Variants in LAMB2 observed in about 807,000 individuals in gnomAD.
LAMB2 encodes the protein laminin subunit beta-2.
In LAMB2, 119 loss-of-function variants were observed where a neutral mutation model predicts 202.7. The observed-to-expected ratio is 0.59, with a 90% CI of 0.51 to 0.68. The LOEUF is 0.68. Ranked by LOEUF, LAMB2 falls within the 30% of genes least tolerant of loss-of-function variation. The probability of loss-of-function intolerance (pLI) is 0.00; values close to 1 mark genes in which losing one functional copy is unlikely to be tolerated. For missense variants in LAMB2, 2,124 were observed against 2,410.6 expected (o/e 0.88, Z 2.49); for synonymous variants, 818 against 902.2 (o/e 0.91, Z 1.67).
chr3:49,127,750 G>C lies in LAMB2; in HGVS notation c.2018+708C>G, dbSNP rs530600312. On this transcript the variant is annotated intron_variant, in intron 15 of 31. Transcript: ENST00000305544. Reference sequence around the variant, plus strand: ...AAACAATGAAACAGGGCTGGGCACGGTGGCTCACACCTGTAATCCCAACAC... The same window carrying C: ...AAACAATGAAACAGGGCTGGGCACGCTGGCTCACACCTGTAATCCCAACAC... 3.2e-3 allele frequency among the ~76,000 whole-genome samples: 487 copies of C among 151,362 alleles called. 2 individuals are homozygous for C. Among genetic ancestry groups the C allele is most frequent in the Non-Finnish European group, 3.0e-3 (205 of 67,866 alleles).
intron 25 of LAMB2, 21 bp downstream of exon 25, chr3:49,123,425 GC>G (rs1443471363): frequency 3.1e-6 from 5 of 1,614,108 alleles, no homozygotes; most frequent in Admixed American, 3.3e-5. Flanking sequence ...TGGTCCACCT[GC>G]CTAGTTGGCT....
Position 49,130,879 on chromosome 3 carries a change from A to G in LAMB2, c.916-19T>C, listed in dbSNP as rs549734219. The G allele has an allele frequency of 6.2e-7, 1 of 1,614,148 alleles. No homozygotes were observed. The highest frequency in any genetic ancestry group is 1.3e-5 in the African/African-American group (1 of 75,046). On this transcript the variant is annotated intron_variant, in intron 7 of 31. Transcript: ENST00000305544. This position sits in a 1 kb window ranked among gnomAD's most constrained non-coding sequence, Gnocchi z 5.0. The stretch of plus-strand genomic sequence containing the variant: ...CGTGCACCTATAGAGGTTGGCAGGT[A>G]GGTTGTCAGCACTGCTCAGCCATGT...
chr3:49,125,415 C>G lies in LAMB2; in HGVS notation c.2558G>C (p.Arg853Pro), dbSNP rs774703538. ...ACAGCGAAGCCCAAAGGCACCAGTT[C>G]GACAGAGACATTGCCCACTGGTCTT... Reference protein sequence around the residue: ...CEKTSGQCLCRTGAFGLRCDR... With the variant: ...CEKTSGQCLCPTGAFGLRCDR... The change falls in exon 19 of 32, where the codon CGA (arginine) becomes CCA (proline). Residue 853 changes from arginine to proline, a missense_variant. By Grantham distance (103) the Arg-to-Pro change is moderately radical. Transcript: ENST00000305544. 6.8e-6 allele frequency: 11 copies of G among 1,613,752 alleles called. No homozygotes were observed. Among genetic ancestry groups the G allele is most frequent in the South Asian group, 1.1e-5 (1 of 91,080 alleles).
In LAMB2 at chr3:49,121,606, G is replaced by C. The variant is rs76647653; in HGVS notation, c.5101-14C>G. On this transcript the variant is annotated splice_polypyrimidine_tract_variant and intron_variant, in intron 30 of 31. Transcript: ENST00000305544. ...ACCGCGTAGCAGCTGCAGATGTAGA[G>C]GGTTAGGTTAGCGTGGTAGCTCAGT... 1 of 1,614,000 alleles carries C rather than the reference G, an allele frequency of 6.2e-7. No homozygotes were observed. The highest frequency in any genetic ancestry group is 8.5e-7 in the Non-Finnish European group (1 of 1,180,030).
rs1335234551 is a variant in LAMB2, at chr3:49,132,629, C to T, written c.111G>A (p.Pro37=). The T allele has an allele frequency of 4.3e-6, 7 of 1,613,992 alleles. No individual in the cohort carries two copies. In the South Asian group the frequency reaches 4.4e-5, roughly 10 times the overall value. The change falls in exon 2 of 32, where the codon CCG becomes CCA. Residue 37 remains proline, a synonymous_variant. Coordinates refer to ENST00000305544, the MANE Select transcript of LAMB2 (RefSeq NM_002292.4). The surrounding 1 kb of genome is among the most constrained non-coding windows in gnomAD (Gnocchi z 4.6). ...LAATLAQAPA[P]DVPGCSRGSC... ...TTCCCCTGGAACAGCCAGGCACATC[C>T]GGGGCAGGGGCCTGTGCCAGTGTGG...
intron 15 of LAMB2, among the ~76,000 whole-genome samples, chr3:49,127,047 G>A (rs931475294): frequency 4.6e-5 from 7 of 152,070 alleles, no homozygotes; most frequent in Admixed American, 1.3e-4. Flanking sequence ...AGTACAGTGC[G>A]TGACCTTGGC....
At chr3:49,121,385 TA>T in intron 31 of LAMB2, 23 bp from the exon 32 acceptor site, 1 of 1,614,044 alleles carries the variant, frequency 6.2e-7, no homozygotes, top group South Asian at 1.1e-5. Flanking sequence ...GGTGTCAGTT[TA>T]GGGGGGGTTT....
Position 49,122,036 on chromosome 3 carries a change from G to A in LAMB2, c.4831C>T (p.Leu1611=), listed in dbSNP as rs1291693857. ...KQKAETVQAA[L]EEAQRAQGIA... ...CCCTGTGCCCGCTGGGCCTCCTCCA[G>A]TGCTGCCTGTACTGTCTCTGCCTTC... The change falls in exon 29 of 32, where the codon CTG becomes TTG. Residue 1611 remains leucine (L), a synonymous_variant. Transcript: ENST00000305544. 1 of 1,613,590 alleles carries A rather than the reference G, an allele frequency of 6.2e-7. No individual in the cohort carries two copies. Among genetic ancestry groups the A allele is most frequent in the African/African-American group, 1.3e-5 (1 of 74,918 alleles).
At position 49,121,721 on chromosome 3, in the gene LAMB2, G is replaced by A. The variant is rs746545186; in HGVS notation, c.5063C>T (p.Ala1688Val). 25 of 1,613,782 alleles carry A rather than the reference G, an allele frequency of 1.5e-5. No homozygotes were observed. The part of the protein sequence containing the change: ...SLAASTAEET[A>V]GSAQGRAQEA... Reference sequence around the variant, plus strand: ...CTGGGCACGACCCTGGGCACTGCCTGCCGTTTCTTCTGCTGTAGAGGCTGC... The same window carrying A: ...CTGGGCACGACCCTGGGCACTGCCTACCGTTTCTTCTGCTGTAGAGGCTGC... The change falls in exon 30 of 32, where the codon GCA becomes GTA. Residue 1688 changes from alanine (A) to valine (V), a missense_variant. Physicochemically the swap from Ala to Val is moderately conservative, Grantham distance 64. Coordinates refer to ENST00000305544, the MANE Select transcript of LAMB2 (RefSeq NM_002292.4).
At position 49,122,878 on chromosome 3, in the gene LAMB2, G is replaced by C; in HGVS notation, c.4399C>G (p.Leu1467Val). The C allele has an allele frequency of 1.2e-6, 2 of 1,610,638 alleles. No individual in the cohort carries two copies. Among genetic ancestry groups the C allele is most frequent in the Admixed American group, 1.7e-5 (1 of 59,986 alleles). The stretch of plus-strand genomic sequence containing the variant: ...CTGAGGATGCTACCACCTTCTGCCA[G>C]TGCCCGCTGCAGCTCTGCCTGTGTG... Reference protein sequence around the residue: ...RHTQAELQRALAEGGSILSRV... With the variant: ...RHTQAELQRAVAEGGSILSRV... The change falls in exon 27 of 32, where the codon CTG becomes GTG. Residue 1467 changes from leucine (L) to valine (V), a missense_variant. Physicochemically the swap from Leu to Val is conservative, Grantham distance 32. Transcript: ENST00000305544.
Position 49,121,839 on chromosome 3 carries a change from C to CACCTGCCATCCTCTCCTGT in LAMB2, c.4926_4944dup (p.Ala1649ThrfsTer16). On this transcript the variant is annotated frameshift_variant, in exon 30 of 32. Coordinates refer to ENST00000305544, the MANE Select transcript of LAMB2 (RefSeq NM_002292.4). LOFTEE classifies it high-confidence loss of function. ...CCTGCAGAGCTCAGTGCCCGCTCTG[C>CACCTGCCATCCTCTCCTGT]ACCTGCCATCCTCTCCTGTACCTGC... The CACCTGCCATCCTCTCCTGT allele has an allele frequency of 1.2e-6, 2 of 1,612,964 alleles. No homozygotes were observed. Among genetic ancestry groups the CACCTGCCATCCTCTCCTGT allele is most frequent in the Non-Finnish European group, 1.7e-6 (2 of 1,180,042 alleles).
chr3:49,122,177 A>G lies in LAMB2; in HGVS notation c.4767T>C (p.Asp1589=). The part of the protein sequence containing the change: ...DVRRAEQLLQ[D]ARRARSWAED... ...TGGGGTCAGACCTTGCCCGCCGTGC[A>G]TCCTGCAGTAGCTGCTCGGCACGAC... is the stretch of plus-strand genomic sequence containing the variant. Residue 1589 remains aspartate, a synonymous_variant, in exon 28 of 32, where the codon GAT becomes GAC. Coordinates refer to ENST00000305544, the MANE Select transcript of LAMB2 (RefSeq NM_002292.4). 1 of 1,613,638 alleles carries G rather than the reference A, an allele frequency of 6.2e-7. No homozygotes were observed. Among genetic ancestry groups the G allele is most frequent in the Non-Finnish European group, 8.5e-7 (1 of 1,180,048 alleles).
At chr3:49,127,758 C>T (rs1311681744) in intron 15 of LAMB2, among the ~76,000 whole-genome samples, 12 of 151,500 alleles carry the variant, frequency 7.9e-5, no homozygotes, top group Non-Finnish European at 1.8e-4. Flanking sequence ...CGGTGGCTCA[C>T]ACCTGTAATC....
Position 49,122,315 on chromosome 3 carries a change from G to A in LAMB2, c.4629C>T (p.Leu1543=), listed in dbSNP as rs928088377. The A allele has an allele frequency of 6.2e-7, 1 of 1,613,440 alleles. No homozygotes were observed. The highest frequency in any genetic ancestry group is 1.3e-5 in the African/African-American group (1 of 74,946). Residue 1543 remains leucine, a synonymous_variant, in exon 28 of 32, where the codon CTC becomes CTT. Transcript: ENST00000305544. The part of the protein sequence containing the change: ...IEMVATRVLE[L]SIPASAEQIQ... Reference sequence around the variant, plus strand: ...TCTGCTCAGCTGAAGCTGGGATGGAGAGCTCTAGCACCCGTGTGGCCACCA... The same window carrying A: ...TCTGCTCAGCTGAAGCTGGGATGGAAAGCTCTAGCACCCGTGTGGCCACCA...
At chr3:49,124,358 C>A in intron 22 of LAMB2, 37 bp downstream of exon 22, 1 of 1,612,148 alleles carries the variant, frequency 6.2e-7, no homozygotes, top group Non-Finnish European at 8.5e-7. Flanking sequence ...AGACACCTGG[C>A]CCCATCTAAC....
In LAMB2 at chr3:49,122,933, T is replaced by C. The variant is rs1459289896; in HGVS notation, c.4344A>G (p.Thr1448=). Residue 1448 remains threonine (T), a synonymous_variant, in exon 27 of 32, where the codon ACA becomes ACG. Coordinates refer to ENST00000305544, the MANE Select transcript of LAMB2 (RefSeq NM_002292.4). ...GGGCCCGGCCCAGTGCTAGGTCTGC[T>C]GTAGCCGCTGCCCCATTGCAGCTGA... is the stretch of plus-strand genomic sequence containing the variant. The part of the protein sequence containing the change: ...GGLSCNGAAA[T]ADLALGRARH... 1 of 1,608,802 alleles carries C rather than the reference T, an allele frequency of 6.2e-7. No homozygotes were observed. Among genetic ancestry groups the C allele is most frequent in the South Asian group, 1.1e-5 (1 of 91,076 alleles).
intron 22 of LAMB2, 47 bp from the exon 23 acceptor site, chr3:49,124,333 C>T (rs375793131): frequency 9.7e-5 from 156 of 1,612,780 alleles, no homozygotes; most frequent in Middle Eastern, 1.6e-4. Flanking sequence ...AGAGGCTAAG[C>T]CCTGGAGATA....
rs967800410 is a variant in LAMB2 at position 49,130,273 on chromosome 3, G to C, written c.1183C>G (p.Arg395Gly). 1 of 1,614,190 alleles carries C rather than the reference G, an allele frequency of 6.2e-7. No homozygotes were observed. The highest frequency in any genetic ancestry group is 8.5e-7 in the Non-Finnish European group (1 of 1,180,044). ...HCELCRPFFY[R>G]DPTKDLRDPA... ...TCCCGCAGGTCCTTGGTTGGGTCAC[G>C]GTAGAAGAAGGGCCGACAGAGCTCA... Residue 395 changes from arginine to glycine, a missense_variant, in exon 9 of 32, where the codon CGT becomes GGT. Physicochemically the swap from Arg to Gly is moderately radical, Grantham distance 125. Coordinates refer to ENST00000305544, the MANE Select transcript of LAMB2 (RefSeq NM_002292.4). This position sits in a 1 kb window ranked among gnomAD's most constrained non-coding sequence, Gnocchi z 5.0.
chr3:49,129,691 T>C lies in LAMB2; in HGVS notation c.1431A>G (p.Thr477=), dbSNP rs1275269058. The C allele has an allele frequency of 6.2e-7, 1 of 1,613,996 alleles. No homozygotes were observed. The highest frequency in any genetic ancestry group is 8.5e-7 in the Non-Finnish European group (1 of 1,179,894). ...CRRCQCNARG[T]VPGSTPCDPN... Reference sequence around the variant, plus strand: ...GGTCACAAGGAGTGCTCCCAGGCACTGTGCCCCGTGCATTACATTGACATC... The same window carrying C: ...GGTCACAAGGAGTGCTCCCAGGCACCGTGCCCCGTGCATTACATTGACATC... The change falls in exon 11 of 32, where the codon ACA becomes ACG. Residue 477 remains threonine, a synonymous_variant. Coordinates refer to ENST00000305544, the MANE Select transcript of LAMB2 (RefSeq NM_002292.4). This position sits in a 1 kb window ranked among gnomAD's most constrained non-coding sequence, Gnocchi z 6.1.
Sources: gnomAD v4.1 joint callset for allele counts (sites outside exome capture counted in the v4.1 genomes callset) on GRCh38, gnomAD v4.1.1 for gene constraint, Gnocchi (gnomAD v3.1) non-coding constraint, MANE v1.5 for transcripts, NCBI Gene and HGNC (gene_info 2026-07-23, HGNC 2026-07-21) for gene names.